The following SPIN1 variants were observed in gnomAD, a reference collection of about 807,000 sequenced individuals.
SPIN1 encodes spindlin-1.
Under a neutral mutation model 26.0 loss-of-function variants are expected in SPIN1, and 3 were observed. The ratio of observed to expected loss-of-function variants is 0.12; its 90% confidence interval spans 0.05 to 0.30. SPIN1 has a LOEUF of 0.30. Ranked by LOEUF, SPIN1 falls within the 10% of genes least tolerant of loss-of-function variation. The pLI is 1.00. For missense variants in SPIN1, 126 were observed against 333.4 expected (o/e 0.38, Z 4.84); for synonymous variants, 101 against 116.5 (o/e 0.87, Z 0.86).
intron 5 of SPIN1, among the ~76,000 whole-genome samples, chr9:88,471,625 A>G (rs1387287224): frequency 2.4e-5 from 3 of 126,528 alleles, no homozygotes; most frequent in Admixed American, 1.0e-4. Flanking sequence ...ATTGCACTCC[A>G]GCCTGGGCAA....
chr9:88,401,594 A>G lies in SPIN1; in HGVS notation c.-159+13056A>G, dbSNP rs957347899. 2.6e-5 allele frequency among the ~76,000 whole-genome samples: 4 copies of G among 152,338 alleles called. No homozygotes were observed. In the East Asian group the frequency reaches 7.7e-4, roughly 29 times the overall value. The stretch of plus-strand genomic sequence containing the variant: ...CAGTGTAAATGCTATACAAATAGTT[A>G]TACTGTATTGTTGAGGGAATAACTA... On this transcript the variant is annotated intron_variant, in intron 1 of 5. Transcript: ENST00000375859.
intron 4 of SPIN1, among the ~76,000 whole-genome samples, chr9:88,463,481 C>T (rs958469972): frequency 6.6e-5 from 10 of 151,970 alleles, no homozygotes; most frequent in African/African-American, 2.4e-4. Flanking sequence ...AAGTCTATAC[C>T]ATTAAATAAT....
intron 1 of SPIN1, among the ~76,000 whole-genome samples, chr9:88,419,170 C>CCTTTCCTA (rs1827627156): frequency 6.6e-6 from 1 of 152,142 alleles, no homozygotes; most frequent in Non-Finnish European, 1.5e-5. Flanking sequence ...CTTAAAGCAG[C>CCTTTCCTA]CTTTCCTACC....
chr9:88,392,977 C>T (rs1826963574), intron 1 of SPIN1, among the ~76,000 whole-genome samples: 1 of 152,088 alleles, frequency 6.6e-6, no homozygotes, highest in Admixed American at 6.6e-5. Flanking sequence ...AGGATTGGAC[C>T]TGTGTTTTAG....
chr9:88,445,690 C>T (rs1176721456), intron 2 of SPIN1, among the ~76,000 whole-genome samples: 1 of 151,458 alleles, frequency 6.6e-6, no homozygotes, highest in Non-Finnish European at 1.5e-5. Flanking sequence ...ACCACTATGC[C>T]CAGCTTTTTT....
intron 1 of SPIN1, among the ~76,000 whole-genome samples, chr9:88,425,764 C>T (rs1003694432): frequency 6.6e-6 from 1 of 151,918 alleles, no homozygotes; most frequent in Non-Finnish European, 1.5e-5. Context: ...GCTGAAATTT[C>T]TCGACCTTTT....
chr9:88,456,146 A>G (rs1828467743), intron 3 of SPIN1, among the ~76,000 whole-genome samples: 1 of 152,200 alleles, frequency 6.6e-6, no homozygotes, highest in Non-Finnish European at 1.5e-5. Context: ...TGGAAACTCC[A>G]CATGGTAAGG....
chr9:88,408,079 G>A (rs1463541534), intron 1 of SPIN1, among the ~76,000 whole-genome samples: 3 of 151,738 alleles, frequency 2.0e-5, no homozygotes, highest in Non-Finnish European at 2.9e-5. Flanking sequence ...GAATCTCTTG[G>A]TACTGCAGGC....
chr9:88,411,885 C>T (rs59767157), intron 1 of SPIN1, among the ~76,000 whole-genome samples: 14,482 of 151,850 alleles, frequency 0.095, 899 homozygotes, highest in South Asian at 0.19. Flanking sequence ...AGAACAACCC[C>T]GTTTGAGGCC....
chr9:88,422,363 C>T (rs1346821913), intron 1 of SPIN1, among the ~76,000 whole-genome samples: 1 of 152,114 alleles, frequency 6.6e-6, no homozygotes, highest in Non-Finnish European at 1.5e-5. Context: ...AAGTTAATCA[C>T]TTAGTAGAAT....
In SPIN1 at chr9:88,475,035, T is replaced by TCTC. The variant is rs1554698801; in HGVS notation, c.590-43_590-42insCTC. ...ATATCTAAAAATTGACTTAGAAATT[T>TCTC]TCTCTCTCTCTCTTTTTTTTTTTTT... On this transcript the variant is annotated intron_variant, in intron 5 of 5. Coordinates refer to ENST00000375859, the MANE Select transcript of SPIN1 (RefSeq NM_006717.3). 243 of 1,341,926 alleles carry TCTC rather than the reference T, an allele frequency of 1.8e-4. 2 individuals are homozygous for TCTC. In the South Asian group the frequency reaches 4.0e-3, roughly 22 times the overall value. The allele number at this position is 1,341,926 out of a possible 1,614,324, so 83.1% of individuals were successfully genotyped here. A position where few individuals can be genotyped will look rare whatever the true frequency, so the allele number is the denominator to read the frequency against.
intron 1 of SPIN1, chr9:88,410,792 C>T: frequency 9.5e-7 from 1 of 1,048,798 alleles, no homozygotes; most frequent in Admixed American, 1.7e-5. Flanking sequence ...CCAAAGCCAC[C>T]ATGACCACTG....
rs1828908294 is a variant in SPIN1, at chr9:88,477,447, T to C, written c.*2170T>C. On this transcript the variant is annotated 3_prime_UTR_variant, in exon 6 of 6. Coordinates refer to ENST00000375859, the MANE Select transcript of SPIN1 (RefSeq NM_006717.3). ...TTTTATACCACATGGTCTCCCAGTT[T>C]CTAGATGAATGCAACATGATGATGG... 6.6e-6 allele frequency: 1 copy of C among 152,240 alleles called. No homozygotes were observed. Among genetic ancestry groups the C allele is most frequent in the South Asian group, 2.1e-4 (1 of 4,834 alleles). 9.4% of individuals were successfully genotyped at this position (152,240 alleles called of 1,614,324 possible).
chr9:88,436,017 T>G (rs2118070182), intron 2 of SPIN1, among the ~76,000 whole-genome samples: 1 of 152,368 alleles, frequency 6.6e-6, no homozygotes, highest in South Asian at 2.1e-4. Flanking sequence ...GTTAATAATT[T>G]ACCCAGGTAC....
At chr9:88,443,234 C>T (rs1323287363) in intron 2 of SPIN1, among the ~76,000 whole-genome samples, 1 of 151,740 alleles carries the variant, frequency 6.6e-6, no homozygotes, top group Admixed American at 6.6e-5. Context: ...TTGTACTTGT[C>T]CCATAGTTCT....
intron 3 of SPIN1, among the ~76,000 whole-genome samples, chr9:88,452,735 A>T (rs1828386916): frequency 6.6e-6 from 1 of 152,234 alleles, no homozygotes; most frequent in Non-Finnish European, 1.5e-5. Context: ...AGTACTTGGC[A>T]TGGAACTTTT....
At chr9:88,389,261 C>T (rs1192390587) in intron 1 of SPIN1, 2 of 152,222 alleles carry the variant, frequency 1.3e-5, no homozygotes, top group Non-Finnish European at 2.9e-5. Flanking sequence ...GAGAGACAGG[C>T]ACTTTTCCTC....
intron 2 of SPIN1, among the ~76,000 whole-genome samples, chr9:88,435,869 T>C (rs1827990129): frequency 6.6e-6 from 1 of 152,204 alleles, no homozygotes. Flanking sequence ...TTCTAGGTTA[T>C]ATCTATGGTT....
chr9:88,439,197 A>T (rs1431282184), intron 2 of SPIN1, among the ~76,000 whole-genome samples: 1 of 152,184 alleles, frequency 6.6e-6, no homozygotes, highest in Non-Finnish European at 1.5e-5. Context: ...TATCCTGAAC[A>T]CATTATTTTT....
Sources: gnomAD v4.1 joint callset for allele counts (sites outside exome capture counted in the v4.1 genomes callset) on GRCh38, gnomAD v4.1.1 for gene constraint, MANE v1.5 for transcripts, NCBI Gene and HGNC (gene_info 2026-07-23, HGNC 2026-07-21) for gene names.